The following DIAPH3 variants were observed in gnomAD, a reference collection of about 807,000 sequenced individuals.
The protein encoded by DIAPH3 is protein diaphanous homolog 3.
In DIAPH3, 117 loss-of-function variants were observed where a neutral mutation model predicts 144.3. The ratio of observed to expected loss-of-function variants is 0.81; its 90% CI spans 0.70 to 0.95. The LOEUF (loss-of-function observed/expected upper bound fraction) is 0.95, where lower values mean the gene tolerates loss of function less well. Ranked by LOEUF, DIAPH3 falls within the 40% of genes least tolerant of loss-of-function variation. DIAPH3 has a pLI of 0.00. For missense variants in DIAPH3, 1,421 were observed against 1,412.7 expected (o/e 1.01, Z -0.09); for synonymous variants, 519 against 488.9 (o/e 1.06, Z -0.81).
intron 9 of DIAPH3, among the ~76,000 whole-genome samples, chr13:60,002,162 A>G (rs2052561780): frequency 6.6e-6 from 1 of 152,210 alleles, no homozygotes; most frequent in Admixed American, 6.5e-5. Flanking sequence ...GTAGACTCTG[A>G]TGATTTACTG....
rs781650639 is a variant in DIAPH3 at position 59,666,727 on chromosome 13, C to T, written c.3439G>A (p.Gly1147Arg). Residue 1147 changes from glycine (G) to arginine (R), a missense_variant, in exon 28 of 28, where the codon GGG becomes AGG. By Grantham distance (125) the Gly-to-Arg change is moderately radical. Coordinates refer to ENST00000400324, the MANE Select transcript of DIAPH3 (RefSeq NM_001042517.2). ...NYNLDTHTSTGRIKAAEKKEA... is the reference protein window; with the variant it reads ...NYNLDTHTSTRRIKAAEKKEA... ...TTCTTCTCAGCTGCCTTGATCCTCC[C>T]AGTAGACGTATGAGTGTCTAGATTA... 13 of 1,614,122 alleles carry T rather than the reference C, an allele frequency of 8.1e-6. No individual in the cohort carries two copies. The Admixed American group carries it at 1.7e-4, about 21-fold the overall frequency.
intron 9 of DIAPH3, among the ~76,000 whole-genome samples, chr13:60,005,771 A>G (rs985874109): frequency 2.0e-5 from 3 of 152,054 alleles, no homozygotes; most frequent in Non-Finnish European, 4.4e-5. Context: ...ATGAGCCACC[A>G]CAACCTGACC....
chr13:59,818,673 G>A (rs541206009), intron 24 of DIAPH3, among the ~76,000 whole-genome samples: 61 of 151,784 alleles, frequency 4.0e-4, no homozygotes, highest in African/African-American at 1.4e-3. Context: ...TTATACAAGT[G>A]GTAGGCCTTG....
chr13:59,885,366 C>T (rs532509193), intron 20 of DIAPH3, among the ~76,000 whole-genome samples: 38 of 144,198 alleles, frequency 2.6e-4, no homozygotes, highest in Non-Finnish European at 4.8e-4. Context: ...ATTTCAATCA[C>T]TATAGCTTAG....
intron 20 of DIAPH3, among the ~76,000 whole-genome samples, chr13:59,909,054 G>A (rs1220615190): frequency 6.6e-6 from 1 of 152,102 alleles, no homozygotes; most frequent in Non-Finnish European, 1.5e-5. Context: ...AGGATGTCTT[G>A]TAGAAATCTG....
At chr13:60,140,781 TA>T (rs1483200338) in intron 1 of DIAPH3, among the ~76,000 whole-genome samples, 1 of 151,944 alleles carries the variant, frequency 6.6e-6, no homozygotes, top group Non-Finnish European at 1.5e-5. Context: ...CCTTTTCAAA[TA>T]AAAATGTATG....
chr13:60,125,095 T>C (rs2058951641), intron 2 of DIAPH3, among the ~76,000 whole-genome samples: 1 of 152,204 alleles, frequency 6.6e-6, no homozygotes, highest in African/African-American at 2.4e-5. Context: ...TACAATTAAA[T>C]GTGTTTATAT....
At position 59,774,251 on chromosome 13, in the gene DIAPH3, G is replaced by T; in HGVS notation, c.3260-3C>A. ...TGGACTGAGACTCTGCCGAACATCTGTTAAAAAAAAAAATAAAATAAACTT... is the reference window on the plus strand; with the variant it reads ...TGGACTGAGACTCTGCCGAACATCTTTTAAAAAAAAAAATAAAATAAACTT... On this transcript the variant is annotated splice_polypyrimidine_tract_variant and splice_region_variant and intron_variant, in intron 26 of 27. Coordinates refer to ENST00000400324, the MANE Select transcript of DIAPH3 (RefSeq NM_001042517.2). 1 of 1,606,284 alleles carries T rather than the reference G, an allele frequency of 6.2e-7. No individual in the cohort carries two copies. The highest frequency in any genetic ancestry group is 8.5e-7 in the Non-Finnish European group (1 of 1,174,954).
intron 27 of DIAPH3, among the ~76,000 whole-genome samples, chr13:59,759,029 C>T (rs1393904291): frequency 6.6e-6 from 1 of 150,824 alleles, no homozygotes; most frequent in East Asian, 1.9e-4. Flanking sequence ...TGGGCTCAAG[C>T]TATCCTCCTG....
At chr13:59,790,963 ATTT>A (rs2039297191) in intron 25 of DIAPH3, among the ~76,000 whole-genome samples, 1 of 152,058 alleles carries the variant, frequency 6.6e-6, no homozygotes, top group Admixed American at 6.5e-5. Flanking sequence ...ACTTTATTTT[ATTT>A]TTATTTATTT....
At chr13:60,108,295 A>G (rs895581387) in intron 3 of DIAPH3, among the ~76,000 whole-genome samples, 1 of 152,178 alleles carries the variant, frequency 6.6e-6, no homozygotes, top group Non-Finnish European at 1.5e-5. Flanking sequence ...AAAGAAAACT[A>G]ATGTTTAAAC....
At chr13:60,046,335 C>T (rs564829502) in intron 4 of DIAPH3, among the ~76,000 whole-genome samples, 15 of 152,146 alleles carry the variant, frequency 9.9e-5, no homozygotes, top group South Asian at 8.3e-4. Context: ...CACTTTTCAA[C>T]GGAAGACATT....
intron 25 of DIAPH3, 147 bp downstream of exon 25, chr13:59,810,641 C>A (rs2040424144): frequency 2.3e-6 from 2 of 887,156 alleles, no homozygotes; most frequent in Non-Finnish European, 3.4e-6. Flanking sequence ...GGAAAGAAGA[C>A]CATAAAGAAA....
chr13:59,873,835 A>G (rs923612686), intron 21 of DIAPH3, among the ~76,000 whole-genome samples: 3 of 151,598 alleles, frequency 2.0e-5, no homozygotes, highest in Non-Finnish European at 2.9e-5. Context: ...CTATGCCCAG[A>G]TAAGTTTTGT....
intron 2 of DIAPH3, 135 bp downstream of exon 2, chr13:60,132,822 T>C (rs2059177017): frequency 1.5e-6 from 1 of 688,356 alleles, no homozygotes; most frequent in Non-Finnish European, 2.5e-6. Flanking sequence ...CTGCCTCTTA[T>C]TTCAGCACTA....
At chr13:59,795,607 C>T (rs1233896574) in intron 25 of DIAPH3, among the ~76,000 whole-genome samples, 1 of 152,034 alleles carries the variant, frequency 6.6e-6, no homozygotes, top group East Asian at 1.9e-4. Context: ...GTGGCCGCCA[C>T]CATTCCAGGC....
At chr13:59,825,942 C>T (rs2041386115) in intron 24 of DIAPH3, among the ~76,000 whole-genome samples, 1 of 152,102 alleles carries the variant, frequency 6.6e-6, no homozygotes, top group African/African-American at 2.4e-5. Context: ...ACATGATTAT[C>T]TCAATAGATG....
chr13:59,935,880 A>G (rs1284529202), intron 17 of DIAPH3, among the ~76,000 whole-genome samples: 8 of 152,216 alleles, frequency 5.3e-5, no homozygotes, highest in African/African-American at 1.7e-4. Flanking sequence ...AATATATAGG[A>G]AGAGTAGCTG....
In DIAPH3 at chr13:59,879,310, A is replaced by C; in HGVS notation, c.2526T>G (p.Leu842=). 6.2e-7 allele frequency: 1 copy of C among 1,613,858 alleles called. No individual in the cohort carries two copies. ...KSKSFSKLLE[L]VLLMGNYMNA... is the part of the protein sequence containing the mutation. ...TCATGTAGTTTCCCATTAGCAATAC[A>C]AGTTCCAGCAACTTGCTAAAGCTTT... Residue 842 remains leucine (L), a synonymous_variant, in exon 21 of 28, where the codon CTT becomes CTG. Coordinates refer to ENST00000400324, the MANE Select transcript of DIAPH3 (RefSeq NM_001042517.2).
Sources: gnomAD v4.1 joint callset for allele counts (sites outside exome capture counted in the v4.1 genomes callset) on GRCh38, gnomAD v4.1.1 for gene constraint, MANE v1.5 for transcripts, NCBI Gene and HGNC (gene_info 2026-07-23, HGNC 2026-07-21) for gene names.